The following FUBP3 variants were observed in gnomAD, a reference collection of about 807,000 sequenced individuals.
FUBP3 encodes far upstream element binding protein 3.
Under a neutral mutation model 85.6 loss-of-function variants are expected in FUBP3, and 28 were observed. The ratio of observed to expected loss-of-function variants is 0.33; its 90% confidence interval spans 0.24 to 0.45. The LOEUF is 0.45. Ranked by LOEUF, FUBP3 falls within the 20% of genes least tolerant of loss-of-function variation. The pLI, the probability that FUBP3 is intolerant of heterozygous loss-of-function variation, is 1.00. For synonymous variants in FUBP3, 271 were observed against 271.4 expected, an observed-to-expected ratio of 1.00 and a Z score of 0.01; for missense variants, 583 against 755.1, an observed-to-expected ratio of 0.77 and a Z score of 2.67.
At chr9:130,604,413 C>T (rs1324987465) in intron 2 of FUBP3, among the ~76,000 whole-genome samples, 1 of 152,156 alleles carries the variant, frequency 6.6e-6, no homozygotes, top group Non-Finnish European at 1.5e-5. Flanking sequence ...TAGTATAGTA[C>T]TTAAACATGT....
intron 1 of FUBP3, among the ~76,000 whole-genome samples, chr9:130,594,244 C>G (rs1830753588): frequency 6.6e-6 from 1 of 151,790 alleles, no homozygotes; most frequent in South Asian, 2.1e-4. Flanking sequence ...CTCAGGAGTT[C>G]GAGACCAGCC....
At chr9:130,610,291 G>A (rs191482872) in intron 3 of FUBP3, among the ~76,000 whole-genome samples, 88 of 152,318 alleles carry the variant, frequency 5.8e-4, no homozygotes, top group Non-Finnish European at 9.1e-4. Flanking sequence ...TTCCCACCTG[G>A]TTTTGTGGTG....
At position 130,635,669 on chromosome 9, in the gene FUBP3, C is replaced by G. The variant is rs181735460; in HGVS notation, c.1583-330C>G. On this transcript the variant is annotated intron_variant, in intron 17 of 18. Transcript: ENST00000319725. This position sits in a 1 kb window ranked among gnomAD's most constrained non-coding sequence, Gnocchi z 4.3. ...CAAGTTAGGTACTCCCCTTCTCCCCCACCCCCACCCCAGGATCCCCCCTTC... is the reference window on the plus strand; with the variant it reads ...CAAGTTAGGTACTCCCCTTCTCCCCGACCCCCACCCCAGGATCCCCCCTTC... Among the ~76,000 whole-genome samples the G allele has an allele frequency of 2.6e-5, 4 of 152,044 alleles. No homozygotes were observed. The highest frequency in any genetic ancestry group is 1.3e-4 in the Admixed American group (2 of 15,276).
chr9:130,618,645 C>T (rs970711543), intron 8 of FUBP3, among the ~76,000 whole-genome samples: 3 of 152,232 alleles, frequency 2.0e-5, no homozygotes, highest in African/African-American at 7.2e-5. Context: ...CTGCCACCTG[C>T]AGCCTGTCTT....
At chr9:130,595,715 A>G (rs1830837236) in intron 2 of FUBP3, 127 bp downstream of exon 2, 2 of 685,138 alleles carry the variant, frequency 2.9e-6, no homozygotes, top group African/African-American at 1.8e-5. Context: ...GTTGAAGGGA[A>G]GTATTTAGGA....
chr9:130,604,082 A>C lies in FUBP3; in HGVS notation c.191-5872A>C, dbSNP rs987825994. ...AACGGAACAAATGCTGAGTACATCCAGCAACTTGGATCAATCTCCAGGGAA... is the reference window on the plus strand; with the variant it reads ...AACGGAACAAATGCTGAGTACATCCCGCAACTTGGATCAATCTCCAGGGAA... On this transcript the variant is annotated intron_variant, in intron 2 of 18. Transcript: ENST00000319725. Among the ~76,000 whole-genome samples the C allele has an allele frequency of 3.9e-5, 6 of 152,358 alleles. No individual in the cohort carries two copies. The South Asian group carries it at 6.2e-4, about 16-fold the overall frequency.
chr9:130,581,081 C>G (rs1350439401), intron 1 of FUBP3: 1 of 152,266 alleles, frequency 6.6e-6, no homozygotes, highest in Non-Finnish European at 1.5e-5. Flanking sequence ...ATGGCTTTCG[C>G]TCTGTGCTGA....
chr9:130,582,848 T>C (rs1401818744), intron 1 of FUBP3, among the ~76,000 whole-genome samples: 1 of 152,258 alleles, frequency 6.6e-6, no homozygotes, highest in Non-Finnish European at 1.5e-5. Context: ...CAGTGCATTA[T>C]AGGTTGACAG....
chr9:130,637,996 G>A lies in FUBP3; in HGVS notation c.*974G>A, dbSNP rs1320338589. On this transcript the variant is annotated 3_prime_UTR_variant, in exon 19 of 19. Transcript: ENST00000319725. ...ATAAATCTAGTATTAACCGCATTAT[G>A]AATTAAATAATTTTGATTTAATGAA... is the stretch of plus-strand genomic sequence containing the variant. 6.6e-6 allele frequency: 1 copy of A among 152,202 alleles called. No homozygotes were observed. 9.4% of individuals were successfully genotyped at this position (152,202 alleles called of 1,614,324 possible).
intron 16 of FUBP3, among the ~76,000 whole-genome samples, chr9:130,633,257 T>C (rs1297544849): frequency 6.6e-6 from 1 of 152,262 alleles, no homozygotes; most frequent in African/African-American, 2.4e-5. Context: ...CAGTATCTTA[T>C]TATGAAACGT....
intron 2 of FUBP3, among the ~76,000 whole-genome samples, chr9:130,607,289 T>C (rs1423853740): frequency 6.6e-6 from 1 of 152,110 alleles, no homozygotes; most frequent in African/African-American, 2.4e-5. Context: ...CTTTTTTTTT[T>C]TTTTTAAGAT....
intron 1 of FUBP3, among the ~76,000 whole-genome samples, chr9:130,585,031 G>A (rs1011980147): frequency 5.9e-5 from 9 of 151,916 alleles, no homozygotes; most frequent in Admixed American, 3.9e-4. Flanking sequence ...GTGGTGGCAC[G>A]CACCTGTAAT....
chr9:130,632,979 A>G (rs1217540065), intron 16 of FUBP3, among the ~76,000 whole-genome samples: 1 of 152,222 alleles, frequency 6.6e-6, no homozygotes, highest in Non-Finnish European at 1.5e-5. Flanking sequence ...GTGTTTAGAA[A>G]GGCTTCTTCA....
intron 12 of FUBP3, among the ~76,000 whole-genome samples, chr9:130,629,833 A>C (rs929405215): frequency 3.3e-5 from 5 of 152,200 alleles, no homozygotes; most frequent in South Asian, 2.1e-4. Flanking sequence ...CCTCCTAGCA[A>C]CACTCCATCC....
chr9:130,617,950 G>A (rs918036607), intron 8 of FUBP3, 55 bp downstream of exon 8: 2 of 798,400 alleles, frequency 2.5e-6, no homozygotes, highest in African/African-American at 1.7e-5. Flanking sequence ...ATCACTCGGT[G>A]GTACCCTAGA....
intron 5 of FUBP3, 117 bp downstream of exon 5, chr9:130,613,144 G>A: frequency 1.5e-6 from 1 of 664,962 alleles, no homozygotes; most frequent in Non-Finnish European, 2.6e-6. Flanking sequence ...TGTTTTCCTT[G>A]CACTTTGGGA....
chr9:130,636,385 A>G (rs1830421149), intron 18 of FUBP3, among the ~76,000 whole-genome samples: 1 of 152,208 alleles, frequency 6.6e-6, no homozygotes, highest in Non-Finnish European at 1.5e-5. Context: ...AACTTTCCTC[A>G]AGTCCAGGCC....
Position 130,632,186 on chromosome 9 carries a change from C to G in FUBP3, c.1434-16C>G. ...TTGCCCCCTATAGGAACGAGTGACC[C>G]TCTTGTTATCCACAGTGGTCCTCCG... On this transcript the variant is annotated splice_polypyrimidine_tract_variant and intron_variant, in intron 15 of 18. Coordinates refer to ENST00000319725, the MANE Select transcript of FUBP3 (RefSeq NM_003934.2). 1.2e-6 allele frequency: 2 copies of G among 1,609,966 alleles called. No homozygotes were observed. Among genetic ancestry groups the G allele is most frequent in the Non-Finnish European group, 1.7e-6 (2 of 1,176,232 alleles).
At chr9:130,600,824 A>T (rs771355035) in intron 2 of FUBP3, among the ~76,000 whole-genome samples, 1 of 150,546 alleles carries the variant, frequency 6.6e-6, no homozygotes, top group Non-Finnish European at 1.5e-5. Flanking sequence ...AAATGAAAGA[A>T]GATTAGCTGG....
Sources: allele counts gnomAD v4.1 joint callset (sites outside exome capture counted in the v4.1 genomes callset), GRCh38; gene constraint gnomAD v4.1.1; non-coding constraint Gnocchi (gnomAD v3.1); transcripts MANE v1.5; gene names NCBI Gene and HGNC (gene_info 2026-07-23, HGNC 2026-07-21).